Variants in TCF21 observed in about 807,000 individuals in gnomAD.
The protein encoded by TCF21 is capsulin.
Under a neutral mutation model 13.5 loss-of-function variants are expected in TCF21, and 3 were observed. The ratio of observed to expected loss-of-function variants is 0.22; its 90% CI spans 0.10 to 0.57. The LOEUF (loss-of-function observed/expected upper bound fraction) is 0.57, where lower values mean the gene tolerates loss of function less well. TCF21 is among the 20% of genes least tolerant of loss of function. The probability of loss-of-function intolerance (pLI) is 0.92; values close to 1 mark genes in which losing one functional copy is unlikely to be tolerated. For synonymous variants in TCF21, 92 were observed against 101.7 expected, an observed-to-expected ratio of 0.90 and a Z score of 0.57; for missense variants, 181 against 238.4, an observed-to-expected ratio of 0.76 and a Z score of 1.59.
chr6:133,889,311 G>A lies in TCF21; in HGVS notation c.-87G>A, dbSNP rs1775163109. On this transcript the variant is annotated 5_prime_UTR_variant, in exon 1 of 2. Coordinates refer to ENST00000367882, the MANE Select transcript of TCF21 (RefSeq NM_003206.4). The surrounding 1 kb of genome is among the most constrained non-coding windows in gnomAD (Gnocchi z 5.1). ...ACTCGGGAGGCCTCTTGGTTTCAGG[G>A]TCTCTCTGTCTCTCTCTCACCCTCT... is the stretch of plus-strand genomic sequence containing the variant. 2 of 1,553,598 alleles carry A rather than the reference G, an allele frequency of 1.3e-6. No homozygotes were observed. Among genetic ancestry groups the A allele is most frequent in the Middle Eastern group, 2.2e-4 (1 of 4,542 alleles).
chr6:133,889,329 C>T lies in TCF21; in HGVS notation c.-69C>T. 4.4e-6 allele frequency: 7 copies of T among 1,588,574 alleles called. No homozygotes were observed. The highest frequency in any genetic ancestry group is 6.0e-6 in the Non-Finnish European group (7 of 1,164,558). On this transcript the variant is annotated 5_prime_UTR_variant, in exon 1 of 2. Transcript: ENST00000367882. The surrounding 1 kb of genome is among the most constrained non-coding windows in gnomAD (Gnocchi z 5.1). ...TTTCAGGGTCTCTCTGTCTCTCTCTCACCCTCTTCCTCGCTTTCTCTGTCT... is the reference window on the plus strand; with the variant it reads ...TTTCAGGGTCTCTCTGTCTCTCTCTTACCCTCTTCCTCGCTTTCTCTGTCT...
chr6:133,890,637 A>G (rs922084923), intron 1 of TCF21, among the ~76,000 whole-genome samples: 1 of 152,252 alleles, frequency 6.6e-6, no homozygotes, highest in Non-Finnish European at 1.5e-5. Context: ...TTTACTGTTT[A>G]AGAAATATAT....
rs1775221361 is a variant in TCF21 at position 133,891,741 on chromosome 6, C to A, written c.479C>A (p.Pro160His). Reference protein sequence around the residue: ...LTWPFMVAGKPESDLKEVVTA... With the variant: ...LTWPFMVAGKHESDLKEVVTA... ...TGGCCCTTTATGGTGGCCGGGAAAC[C>A]CGAGAGTGACCTGAAAGAAGTGGTG... Residue 160 changes from proline to histidine, a missense_variant, in exon 2 of 2, where the codon CCC (proline) becomes CAC (histidine). Coordinates refer to ENST00000367882, the MANE Select transcript of TCF21 (RefSeq NM_003206.4). The A allele has an allele frequency of 2.5e-6, 4 of 1,614,058 alleles. No homozygotes were observed. Among genetic ancestry groups the A allele is most frequent in the Non-Finnish European group, 3.4e-6 (4 of 1,179,992 alleles).
downstream of TCF21, chr6:133,893,903 G>C (rs1433938339): frequency 6.6e-6 from 1 of 152,200 alleles, no homozygotes; most frequent in African/African-American, 2.4e-5. Flanking sequence ...TTTCTTGAAA[G>C]AGCCTGGATC....
At chr6:133,890,738 G>T (rs896936468) in intron 1 of TCF21, among the ~76,000 whole-genome samples, 1 of 152,138 alleles carries the variant, frequency 6.6e-6, no homozygotes, top group Non-Finnish European at 1.5e-5. Flanking sequence ...GTTTGTATAT[G>T]ATAAGAATGA....
chr6:133,890,328 G>C (rs1775190278), intron 1 of TCF21, among the ~76,000 whole-genome samples: 1 of 152,108 alleles, frequency 6.6e-6, no homozygotes, highest in African/African-American at 2.4e-5. Flanking sequence ...GCATATTTAG[G>C]ACCATTGGAT....
rs1583772847 is a variant in TCF21, at chr6:133,891,821, GGGAAA to G, written c.*22_*26del. The stretch of plus-strand genomic sequence containing the variant: ...GTCCTGACCTTGGAGGTGCGAGTCT[GGGAAA>G]GGCGCGCTCCCGGGGGGAGCGGGCC... On this transcript the variant is annotated 3_prime_UTR_variant, in exon 2 of 2. Coordinates refer to ENST00000367882, the MANE Select transcript of TCF21 (RefSeq NM_003206.4). The G allele has an allele frequency of 1.2e-5, 19 of 1,613,028 alleles. No homozygotes were observed. The highest frequency in any genetic ancestry group is 1.4e-5 in the Non-Finnish European group (17 of 1,179,224).
At chr6:133,890,858 A>G (rs1775203990) in intron 1 of TCF21, among the ~76,000 whole-genome samples, 1 of 152,206 alleles carries the variant, frequency 6.6e-6, no homozygotes, top group African/African-American at 2.4e-5. Context: ...CTGGAGAAGA[A>G]GATGCAAACC....
downstream of TCF21, chr6:133,895,191 A>G (rs2114568447): frequency 6.6e-6 from 1 of 152,316 alleles, no homozygotes; most frequent in South Asian, 2.1e-4. Context: ...GCACTGACCA[A>G]GGAGACTTTT....
Position 133,889,514 on chromosome 6 carries a change from G to A in TCF21, c.117G>A (p.Glu39=). ...KEFVTSNEST[E]ESSNCENGSP... Reference sequence around the variant, plus strand: ...TTGTGACTTCCAACGAGAGCACCGAGGAGAGCTCCAACTGCGAGAATGGGT... The same window carrying A: ...TTGTGACTTCCAACGAGAGCACCGAAGAGAGCTCCAACTGCGAGAATGGGT... The change falls in exon 1 of 2, where the codon GAG becomes GAA. Residue 39 remains glutamate (E), a synonymous_variant. Transcript: ENST00000367882. The surrounding 1 kb of genome is among the most constrained non-coding windows in gnomAD (Gnocchi z 5.1). The A allele has an allele frequency of 6.2e-7, 1 of 1,614,126 alleles. No individual in the cohort carries two copies. Among genetic ancestry groups the A allele is most frequent in the Non-Finnish European group, 8.5e-7 (1 of 1,180,002 alleles).
intron 1 of TCF21, among the ~76,000 whole-genome samples, chr6:133,890,212 G>T (rs990858560): frequency 2.6e-5 from 4 of 152,200 alleles, no homozygotes; most frequent in African/African-American, 4.8e-5. Flanking sequence ...AAGACGCTGC[G>T]AGCGGACAGG....
chr6:133,895,388 G>A (rs1276514957), downstream of TCF21: 1 of 152,196 alleles, frequency 6.6e-6, no homozygotes, highest in South Asian at 2.1e-4. Context: ...ATATTTCAGA[G>A]GAGAATTTTT....
rs1272840971 is a variant in TCF21 at position 133,889,390 on chromosome 6, C to T, written c.-8C>T. The T allele has an allele frequency of 9.3e-6, 15 of 1,613,510 alleles. No individual in the cohort carries two copies. Among genetic ancestry groups the T allele is most frequent in the Non-Finnish European group, 1.2e-5 (14 of 1,179,914 alleles). ...CTCTCTCTCTCTCCCTCGTCCACTC[C>T]CCCAAACATGTCCACCGGCTCCCTC... On this transcript the variant is annotated 5_prime_UTR_variant, in exon 1 of 2. Coordinates refer to ENST00000367882, the MANE Select transcript of TCF21 (RefSeq NM_003206.4). The surrounding 1 kb of genome is among the most constrained non-coding windows in gnomAD (Gnocchi z 5.1).
chr6:133,895,316 T>C (rs1200091888), downstream of TCF21: 1 of 152,196 alleles, frequency 6.6e-6, no homozygotes, highest in East Asian at 1.9e-4. Flanking sequence ...AGGACCACAT[T>C]TTAACAATCA....
At chr6:133,892,682 A>C, downstream of TCF21, 1 of 152,232 alleles carries the variant, frequency 6.6e-6, no homozygotes, top group East Asian at 1.9e-4. Flanking sequence ...GAAGCTATGA[A>C]AGATGTAAAT....
Position 133,889,283 on chromosome 6 carries a change from C to A in TCF21, c.-115C>A. 7.3e-7 allele frequency: 1 copy of A among 1,375,940 alleles called. No individual in the cohort carries two copies. The highest frequency in any genetic ancestry group is 1.0e-6 in the Non-Finnish European group (1 of 979,112). The allele number at this position is 1,375,940 out of a possible 1,614,324, so 85.2% of individuals were successfully genotyped here. A position where few individuals can be genotyped will look rare whatever the true frequency, so the allele number is the denominator to read the frequency against. On this transcript the variant is annotated 5_prime_UTR_variant, in exon 1 of 2. Coordinates refer to ENST00000367882, the MANE Select transcript of TCF21 (RefSeq NM_003206.4). The surrounding 1 kb of genome is among the most constrained non-coding windows in gnomAD (Gnocchi z 5.1). ...AGCTCCCAGCAGGAGGTGGCTGCGC[C>A]ACACTCGGGAGGCCTCTTGGTTTCA...
In TCF21 at chr6:133,891,742, C is replaced by G. The variant is rs1583772740; in HGVS notation, c.480C>G (p.Pro160=). ...GGCCCTTTATGGTGGCCGGGAAACC[C>G]GAGAGTGACCTGAAAGAAGTGGTGA... ...LTWPFMVAGK[P]ESDLKEVVTA... is the part of the protein sequence containing the mutation. Residue 160 remains proline, a synonymous_variant, in exon 2 of 2, where the codon CCC becomes CCG. Transcript: ENST00000367882. The G allele has an allele frequency of 6.2e-7, 1 of 1,614,024 alleles. No individual in the cohort carries two copies. Among genetic ancestry groups the G allele is most frequent in the East Asian group, 2.2e-5 (1 of 44,860 alleles).
Position 133,889,528 on chromosome 6 carries a change from G to A in TCF21, c.131G>A (p.Cys44Tyr), listed in dbSNP as rs1775170187. 2 of 1,614,082 alleles carry A rather than the reference G, an allele frequency of 1.2e-6. No individual in the cohort carries two copies. Among genetic ancestry groups the A allele is most frequent in the Non-Finnish European group, 1.7e-6 (2 of 1,179,982 alleles). ...GAGAGCACCGAGGAGAGCTCCAACT[G>A]CGAGAATGGGTCTCCCCAGAAGGGC... ...SNESTEESSN[C>Y]ENGSPQKGRG... is the part of the protein sequence containing the mutation. Residue 44 changes from cysteine (C) to tyrosine (Y), a missense_variant, in exon 1 of 2, where the codon TGC (cysteine) becomes TAC (tyrosine). Around this residue, in one of 3 missense-constraint regions of TCF21, gnomAD observed 91 missense variants for 98.5 expected, o/e 0.92. Transcript: ENST00000367882. This position sits in a 1 kb window ranked among gnomAD's most constrained non-coding sequence, Gnocchi z 5.1.
downstream of TCF21, chr6:133,893,569 A>C (rs994579394): frequency 1.3e-5 from 2 of 152,160 alleles, no homozygotes; most frequent in Non-Finnish European, 2.9e-5. Flanking sequence ...CCATGCCTCA[A>C]CCTATCCAGA....
Sources: allele counts gnomAD v4.1 joint callset (sites outside exome capture counted in the v4.1 genomes callset), GRCh38; gene constraint gnomAD v4.1.1; regional missense constraint gnomAD v4.1.1; non-coding constraint Gnocchi (gnomAD v3.1); transcripts MANE v1.5; gene names NCBI Gene and HGNC (gene_info 2026-07-23, HGNC 2026-07-21).